Variants in MYB observed in about 807,000 individuals in gnomAD.
The protein encoded by MYB is transcriptional activator Myb.
MYB carries 28 observed loss-of-function variants against 92.9 expected under a neutral mutation model. That is an observed-to-expected ratio of 0.30 (90% confidence interval 0.22 to 0.41). MYB has a LOEUF of 0.41. MYB is among the 10% of genes least tolerant of loss of function. The pLI is 1.00. For missense variants in MYB, 679 were observed against 929.3 expected, an observed-to-expected ratio of 0.73 and a Z score of 3.50; for synonymous variants, 295 against 329.1, an observed-to-expected ratio of 0.90 and a Z score of 1.12.
Position 135,217,927 on chromosome 6 carries a change from A to G in MYB, c.2233A>G (p.Ser745Gly). Reference sequence around the variant, plus strand: ...GATGGAGGAGCAGATGACATCTTCCAGTCAAGCTCGTAAATACGTGAATGC... The same window carrying G: ...GATGGAGGAGCAGATGACATCTTCCGGTCAAGCTCGTAAATACGTGAATGC... ...GKMEEQMTSSSQARKYVNAFS... is the reference protein window; with the variant it reads ...GKMEEQMTSSGQARKYVNAFS... Residue 745 changes from serine (S) to glycine (G), a missense_variant, in exon 16 of 16, where the codon AGT becomes GGT. Ser to Gly is a moderately conservative substitution (Grantham distance 56). Coordinates refer to ENST00000341911, the MANE Select transcript of MYB (RefSeq NM_001130173.2). 3 of 1,613,628 alleles carry G rather than the reference A, an allele frequency of 1.9e-6. No homozygotes were observed. The highest frequency in any genetic ancestry group is 2.5e-6 in the Non-Finnish European group (3 of 1,179,680).
At chr6:135,195,331 C>CTCGGTGGTCGCCGTATCATTAAAAAAA in intron 8 of MYB, 1 of 254,510 alleles carries the variant, frequency 3.9e-6, no homozygotes, top group Non-Finnish European at 7.8e-6. Context: ...ATGTGTAGAT[C>CTCGGTGGTCGCCGTATCATTAAAAAAA]AAAGCAACTC....
chr6:135,194,025 G>A (rs936966389), intron 7 of MYB, 107 bp downstream of exon 7: 1 of 878,828 alleles, frequency 1.1e-6, no homozygotes, highest in African/African-American at 1.6e-5. Flanking sequence ...AAAAGGAAAG[G>A]GAACATGGAG....
chr6:135,217,797 G>T, intron 15 of MYB, 67 bp from the exon 16 acceptor site: 1 of 1,100,972 alleles, frequency 9.1e-7, no homozygotes. Flanking sequence ...GTCAGTGCTG[G>T]CCCTGCTGGG....
Position 135,201,729 on chromosome 6 carries a change from T to C in MYB, c.2041T>C (p.Ser681Pro), listed in dbSNP as rs1778120468. 1 of 1,510,598 alleles carries C rather than the reference T, an allele frequency of 6.6e-7. No homozygotes were observed. Among genetic ancestry groups the C allele is most frequent in the Non-Finnish European group, 8.9e-7 (1 of 1,119,412 alleles). 93.6% of individuals were successfully genotyped at this position (1,510,598 alleles called of 1,614,324 possible). The stretch of plus-strand genomic sequence containing the variant: ...GAATACCCAACTGTTCACGCAGACC[T>C]CGCCTGTGGCAGATGCACCGGTAAG... ...SLNTQLFTQTSPVADAPNILT... is the reference protein window; with the variant it reads ...SLNTQLFTQTPPVADAPNILT... Residue 681 changes from serine (S) to proline (P), a missense_variant, in exon 14 of 16, where the codon TCG becomes CCG. Transcript: ENST00000341911.
intron 15 of MYB, among the ~76,000 whole-genome samples, chr6:135,204,552 C>T (rs968626438): frequency 5.3e-5 from 8 of 152,200 alleles, no homozygotes; most frequent in Admixed American, 1.3e-4. Flanking sequence ...ATCTGCCCAC[C>T]TCGGCCTCCT....
At position 135,200,397 on chromosome 6, in the gene MYB, G is replaced by A. The variant is rs1265744560; in HGVS notation, c.1932G>A (p.Leu644=). ...TTCAAGAAAATGGACCACCCTTACT[G>A]AAGAAAATCAAACAAGAGGTAAACA... ...AEFQENGPPL[L]KKIKQEVESP... Residue 644 remains leucine (L), a synonymous_variant, in exon 13 of 16, where the codon CTG becomes CTA. Coordinates refer to ENST00000341911, the MANE Select transcript of MYB (RefSeq NM_001130173.2). 6.2e-6 allele frequency: 10 copies of A among 1,613,980 alleles called. No individual in the cohort carries two copies. Among genetic ancestry groups the A allele is most frequent in the Non-Finnish European group, 7.6e-6 (9 of 1,180,030 alleles).
intron 15 of MYB, among the ~76,000 whole-genome samples, chr6:135,204,459 C>T (rs1395888908): frequency 6.6e-6 from 1 of 152,074 alleles, no homozygotes; most frequent in Non-Finnish European, 1.5e-5. Flanking sequence ...CCACCGGCAA[C>T]CCAGCCGTTT....
rs1009345565 is a variant in MYB, at chr6:135,182,308, G to A, written c.23+772G>A. Reference sequence around the variant, plus strand: ...CAGATGGGAAGAGGGAGAGGAGGAGGAGGAGGGAAATCCTCGTCCGAACTG... The same window carrying A: ...CAGATGGGAAGAGGGAGAGGAGGAGAAGGAGGGAAATCCTCGTCCGAACTG... On this transcript the variant is annotated intron_variant, in intron 1 of 15. Transcript: ENST00000341911. This position sits in a 1 kb window ranked among gnomAD's most constrained non-coding sequence, Gnocchi z 5.6. Among the ~76,000 whole-genome samples, 13 of 152,222 alleles carry A rather than the reference G, an allele frequency of 8.5e-5. No homozygotes were observed. The highest frequency in any genetic ancestry group is 2.9e-4 in the African/African-American group (12 of 41,468).
At chr6:135,213,328 C>G (rs1780001770) in intron 15 of MYB, among the ~76,000 whole-genome samples, 1 of 152,140 alleles carries the variant, frequency 6.6e-6, no homozygotes, top group Non-Finnish European at 1.5e-5. Flanking sequence ...TTAGGAGAAG[C>G]TAACTATTTG....
chr6:135,189,841 T>C lies in MYB; in HGVS notation c.264T>C (p.Pro88=). The C allele has an allele frequency of 6.2e-7, 1 of 1,614,166 alleles. No homozygotes were observed. The highest frequency in any genetic ancestry group is 8.5e-7 in the Non-Finnish European group (1 of 1,179,976). ...CQHRWQKVLN[P]ELIKGPWTKE... is the part of the protein sequence containing the mutation. Reference sequence around the variant, plus strand: ...ACCGATGGCAGAAAGTACTAAACCCTGAGCTCATCAAGGGTCCTTGGACCA... The same window carrying C: ...ACCGATGGCAGAAAGTACTAAACCCCGAGCTCATCAAGGGTCCTTGGACCA... The change falls in exon 4 of 16, where the codon CCT becomes CCC. Residue 88 remains proline (P), a synonymous_variant. Coordinates refer to ENST00000341911, the MANE Select transcript of MYB (RefSeq NM_001130173.2).
intron 3 of MYB, among the ~76,000 whole-genome samples, chr6:135,188,683 T>C (rs765640792): frequency 6.6e-6 from 1 of 152,006 alleles, no homozygotes; most frequent in African/African-American, 2.4e-5. Context: ...CTAATTTTTG[T>C]ATTTTTAGTA....
intron 14 of MYB, chr6:135,202,619 C>T (rs1403007620): frequency 3.0e-5 from 6 of 201,578 alleles, no homozygotes; most frequent in East Asian, 1.5e-4. Context: ...CTACCCGCCT[C>T]GGCCTCCCAA....
At chr6:135,189,993 C>T in intron 4 of MYB, 110 bp downstream of exon 4, 1 of 1,384,508 alleles carries the variant, frequency 7.2e-7, no homozygotes, top group Middle Eastern at 1.9e-4. Context: ...AAGTAGAGGA[C>T]TCTATTCCCA....
intron 15 of MYB, among the ~76,000 whole-genome samples, chr6:135,204,306 CTTTGTTT>C (rs1160662423): frequency 6.6e-6 from 1 of 152,104 alleles, no homozygotes; most frequent in Non-Finnish European, 1.5e-5. Flanking sequence ...GTTGATGTTG[CTTTGTTT>C]TTTGAAACAG....
chr6:135,183,063 G>GGGCAGGGGTGCTGGGAGGAGGCGC (rs2128280088), intron 1 of MYB, among the ~76,000 whole-genome samples: 1 of 147,030 alleles, frequency 6.8e-6, no homozygotes, highest in African/African-American at 2.5e-5. Context: ...GGAGGGAGTC[G>GGGCAGGGGTGCTGGGAGGAGGCGC]GGCAGGGGTG....
intron 15 of MYB, among the ~76,000 whole-genome samples, chr6:135,217,601 T>C (rs1780630990): frequency 6.6e-6 from 1 of 152,200 alleles, no homozygotes; most frequent in Non-Finnish European, 1.5e-5. Flanking sequence ...AATTGCCTAA[T>C]AGACGGAAGG....
chr6:135,213,028 C>T (rs1779958595), intron 15 of MYB, among the ~76,000 whole-genome samples: 1 of 152,080 alleles, frequency 6.6e-6, no homozygotes, highest in African/African-American at 2.4e-5. Flanking sequence ...TCTACTCTGA[C>T]CAGTTTGTTT....
chr6:135,197,584 A>G (rs1777507305), intron 10 of MYB, among the ~76,000 whole-genome samples: 5 of 152,216 alleles, frequency 3.3e-5, no homozygotes, highest in African/African-American at 1.2e-4. Flanking sequence ...ACGTACTTTT[A>G]TTTCCTTCAA....
intron 5 of MYB, among the ~76,000 whole-genome samples, chr6:135,191,175 AC>A (rs528092686): frequency 7.7e-4 from 118 of 152,324 alleles, no homozygotes; most frequent in African/African-American, 2.8e-3. Context: ...GAATTCTCAT[AC>A]TACTTCCAGG....
Sources: gnomAD v4.1 joint callset for allele counts (sites outside exome capture counted in the v4.1 genomes callset) on GRCh38, gnomAD v4.1.1 for gene constraint, Gnocchi (gnomAD v3.1) non-coding constraint, MANE v1.5 for transcripts, NCBI Gene and HGNC (gene_info 2026-07-23, HGNC 2026-07-21) for gene names.